Variants in ANKRD30BL observed in about 807,000 individuals in gnomAD.
The protein encoded by ANKRD30BL is ankyrin repeat domain 30B like.
Under a neutral mutation model 18.4 loss-of-function variants are expected in ANKRD30BL, and 20 were observed. The ratio of observed to expected loss-of-function variants is 1.09; its 90% confidence interval spans 0.77 to 1.58. The LOEUF (loss-of-function observed/expected upper bound fraction) is 1.58. Ranked by LOEUF, ANKRD30BL falls within the 40% of genes most tolerant of loss-of-function variation. The probability of loss-of-function intolerance (pLI) is 0.00; values close to 1 mark genes in which losing one functional copy is unlikely to be tolerated. For synonymous variants in ANKRD30BL, 72 were observed against 100.9 expected, an observed-to-expected ratio of 0.71 and a Z score of 1.72; for missense variants, 224 against 268.6, an observed-to-expected ratio of 0.83 and a Z score of 1.16.
At chr2:132,229,473 C>T (rs6708850) in intron 1 of ANKRD30BL, among the ~76,000 whole-genome samples, 2,059 of 152,144 alleles carry the variant, frequency 0.014, 41 homozygotes, top group African/African-American at 0.047. Flanking sequence ...TAGACTGTAG[C>T]TTTCTCAGAA....
At chr2:132,228,363 C>T (rs1230657362) in intron 1 of ANKRD30BL, among the ~76,000 whole-genome samples, 1 of 152,058 alleles carries the variant, frequency 6.6e-6, no homozygotes, top group Non-Finnish European at 1.5e-5. Context: ...TGGAAACACT[C>T]TTTTTGTGGA....
intron 1 of ANKRD30BL, among the ~76,000 whole-genome samples, chr2:132,229,149 C>T (rs950697101): frequency 2.0e-5 from 3 of 152,094 alleles, no homozygotes; most frequent in African/African-American, 7.2e-5. Context: ...TGAGAAACTA[C>T]TTTGTGATGT....
At chr2:132,165,661 G>A (rs932193106), upstream of ANKRD30BL, among the ~76,000 whole-genome samples, 5 of 151,784 alleles carry the variant, frequency 3.3e-5, no homozygotes, top group Non-Finnish European at 5.9e-5. Context: ...GGTGGAGGTT[G>A]CAGTATCCTT....
Position 132,188,657 on chromosome 2 carries a change from C to A in ANKRD30BL, n.442-31511G>T, listed in dbSNP as rs189103550. On this transcript the variant is annotated intron_variant and non_coding_transcript_variant, in intron 1 of 4. Transcript: ENST00000470729. ...CCCGGGAGGTGGAGCTTGTAGTGAG[C>A]CAAGATCACGCCACTGCACTCCAGC... Among the ~76,000 whole-genome samples the A allele has an allele frequency of 7.9e-3, 1,203 of 152,172 alleles. 10 individuals are homozygous for A. The highest frequency in any genetic ancestry group is 0.027 in the African/African-American group (1,122 of 41,526).
At chr2:132,251,287 C>T (rs1351613016) in intron 1 of ANKRD30BL, among the ~76,000 whole-genome samples, 2 of 152,168 alleles carry the variant, frequency 1.3e-5, no homozygotes, top group Non-Finnish European at 2.9e-5. Context: ...ATTCAGAAAG[C>T]TTACTCAGAT....
At position 132,252,237 on chromosome 2, in the gene ANKRD30BL, C is replaced by T. The variant is rs16849042; in HGVS notation, n.441+5292G>A. Among the ~76,000 whole-genome samples, 74 of 152,330 alleles carry T rather than the reference C, an allele frequency of 4.9e-4. No homozygotes were observed. The South Asian group carries it at 0.015, about 30-fold the overall frequency. On this transcript the variant is annotated intron_variant and non_coding_transcript_variant, in intron 1 of 4. Coordinates refer to the ANKRD30BL transcript ENST00000470729. Reference sequence around the variant, plus strand: ...TGGGAGGCCACCCCTACAGTGGCTGCGCCAAGTCTAGGGACATGCTAGCTT... The same window carrying T: ...TGGGAGGCCACCCCTACAGTGGCTGTGCCAAGTCTAGGGACATGCTAGCTT...
intron 1 of ANKRD30BL, among the ~76,000 whole-genome samples, chr2:132,232,219 A>G (rs1412747645): frequency 1.3e-5 from 2 of 152,202 alleles, no homozygotes; most frequent in African/African-American, 4.8e-5. Flanking sequence ...AGTAGACAAA[A>G]TCACAAAGAT....
At chr2:132,212,257 C>T (rs796359694) in intron 1 of ANKRD30BL, among the ~76,000 whole-genome samples, 1 of 151,126 alleles carries the variant, frequency 6.6e-6, no homozygotes, top group Admixed American at 6.6e-5. Flanking sequence ...TGCAAGTGGA[C>T]ATTTGGAGAG....
chr2:132,232,701 A>T (rs995899541), intron 1 of ANKRD30BL, among the ~76,000 whole-genome samples: 1 of 152,298 alleles, frequency 6.6e-6, no homozygotes, highest in East Asian at 1.9e-4. Flanking sequence ...GACCAAATCT[A>T]CTTCTGATTG....
chr2:132,200,094 C>A (rs937407133), intron 1 of ANKRD30BL, among the ~76,000 whole-genome samples: 1 of 152,034 alleles, frequency 6.6e-6, no homozygotes, highest in African/African-American at 2.4e-5. Flanking sequence ...AATTCAACAA[C>A]CCTTCATGCT....
In ANKRD30BL at chr2:132,224,520, G is replaced by A. The variant is rs1034792745; in HGVS notation, n.441+33009C>T. Among the ~76,000 whole-genome samples, 6 of 152,166 alleles carry A rather than the reference G, an allele frequency of 3.9e-5. No homozygotes were observed. In the East Asian group the frequency reaches 5.8e-4, roughly 15 times the overall value. ...GCATTCTCAGAAACTTCTTTGTGAT[G>A]TGTGCATTCAACTCACAGAGCTGAA... On this transcript the variant is annotated intron_variant and non_coding_transcript_variant, in intron 1 of 4. Transcript: ENST00000470729.
chr2:132,220,789 G>C (rs375372519), intron 1 of ANKRD30BL, among the ~76,000 whole-genome samples: 3 of 146,908 alleles, frequency 2.0e-5, no homozygotes, highest in African/African-American at 5.1e-5. Context: ...CCGCCACCCC[G>C]TCTGGGAAGT....
At chr2:132,169,835 C>T (rs1228286569) in intron 1 of ANKRD30BL, among the ~76,000 whole-genome samples, 1 of 151,796 alleles carries the variant, frequency 6.6e-6, no homozygotes, top group Admixed American at 6.6e-5. Flanking sequence ...TTATTGTTTA[C>T]TATATAAATT....
At chr2:132,237,252 G>T (rs1040166232) in intron 1 of ANKRD30BL, among the ~76,000 whole-genome samples, 2 of 151,972 alleles carry the variant, frequency 1.3e-5, no homozygotes, top group Non-Finnish European at 2.9e-5. Flanking sequence ...ATGTGCACAT[G>T]AACCCTAAAA....
chr2:132,161,240 A>C (rs1688048145), intron 1 of ANKRD30BL, among the ~76,000 whole-genome samples: 1 of 152,174 alleles, frequency 6.6e-6, no homozygotes, highest in Non-Finnish European at 1.5e-5. Context: ...AGGAGAAAGC[A>C]GCTAAAGTTT....
chr2:132,202,580 A>G (rs1679129466), intron 1 of ANKRD30BL, among the ~76,000 whole-genome samples: 1 of 152,078 alleles, frequency 6.6e-6, no homozygotes, highest in African/African-American at 2.4e-5. Context: ...AAATTTATTT[A>G]TATAAATGTG....
intron 1 of ANKRD30BL, among the ~76,000 whole-genome samples, chr2:132,219,491 T>C (rs541843812): frequency 6.6e-6 from 1 of 151,342 alleles, no homozygotes; most frequent in African/African-American, 2.5e-5. Flanking sequence ...TATCTTCCAA[T>C]AAAAACTAGA....
chr2:132,242,694 T>C (rs1436201674), intron 1 of ANKRD30BL, among the ~76,000 whole-genome samples: 1 of 151,126 alleles, frequency 6.6e-6, no homozygotes, highest in Admixed American at 6.6e-5. Context: ...TCTGGTTTTG[T>C]TGGAAACGGG....
chr2:132,154,704 A>C lies in ANKRD30BL; in HGVS notation c.572T>G (p.Leu191Arg). 1 of 733,024 alleles carries C rather than the reference A, an allele frequency of 1.4e-6. No individual in the cohort carries two copies. 45.4% of individuals were successfully genotyped at this position (733,024 alleles called of 1,614,324 possible). A position where few individuals can be genotyped will look rare whatever the true frequency, so the allele number is the denominator to read the frequency against. The change falls in exon 4 of 6, where the codon CTG becomes CGG. Residue 191 changes from leucine to arginine, a missense_variant. By Grantham distance (102) the Leu-to-Arg change is moderately radical. Around this residue, in one of 3 missense-constraint regions of ANKRD30BL, gnomAD observed 63 missense variants for 62.3 expected, o/e 1.01. Coordinates refer to ENST00000409867, the MANE Select transcript of ANKRD30BL (RefSeq NM_001358416.1). ...KRSEEIVEFL[L>R]TKNANANAVD... Reference sequence around the variant, plus strand: ...TGCATTTGCATTTGCATTTTTTGTCAGTAAAAATTCCACAATTTCCTCACT... The same window carrying C: ...TGCATTTGCATTTGCATTTTTTGTCCGTAAAAATTCCACAATTTCCTCACT...
Sources: gnomAD v4.1 joint callset for allele counts (sites outside exome capture counted in the v4.1 genomes callset) on GRCh38, gnomAD v4.1.1 for gene constraint, gnomAD v4.1.1 regional missense constraint, MANE v1.5 for transcripts, NCBI Gene and HGNC (gene_info 2026-07-23, HGNC 2026-07-21) for gene names.